The following DGKA variants were observed in gnomAD, a reference collection of about 807,000 sequenced individuals.
DGKA encodes diacylglycerol kinase alpha.
In DGKA, 35 loss-of-function variants were observed where a neutral mutation model predicts 105.0. The ratio of observed to expected loss-of-function variants is 0.33; its 90% confidence interval spans 0.25 to 0.44. The LOEUF is 0.44. DGKA is among the 20% of genes least tolerant of loss of function. DGKA has a pLI of 1.00. For synonymous variants in DGKA, 296 were observed against 332.0 expected (o/e 0.89, Z 1.18); for missense variants, 665 against 915.0 (o/e 0.73, Z 3.53).
At chr12:55,949,703 G>C (rs1887756410) in intron 17 of DGKA, among the ~76,000 whole-genome samples, 1 of 152,110 alleles carries the variant, frequency 6.6e-6, no homozygotes, top group East Asian at 1.9e-4. Context: ...TTTTAATTAT[G>C]GTTCTTGAAA....
chr12:55,950,087 G>A lies in DGKA; in HGVS notation c.1427-1536G>A, dbSNP rs138284015. 3.5e-3 allele frequency among the ~76,000 whole-genome samples: 531 copies of A among 151,648 alleles called. 3 individuals carry two copies. Among genetic ancestry groups the A allele is most frequent in the African/African-American group, 0.012 (507 of 41,318 alleles). On this transcript the variant is annotated intron_variant, in intron 17 of 23. Transcript: ENST00000331886. ...CCTCATGGGTTCAAGCGATTCTCCT[G>A]CCTCAGCCTCCCAAGTAGCTGGGAT...
At chr12:55,927,974 C>T, upstream of DGKA, 1 of 576,088 alleles carries the variant, frequency 1.7e-6, no homozygotes, top group Non-Finnish European at 3.0e-6. Flanking sequence ...TAATTAAACT[C>T]GTCCAACCGC....
At chr12:55,939,653 G>A (rs1414682530) in intron 9 of DGKA, 124 bp downstream of exon 9, 11 of 866,750 alleles carry the variant, frequency 1.3e-5, no homozygotes, top group Non-Finnish European at 2.0e-5. Context: ...CTAGTTATGT[G>A]ACCTTGGGAA....
At position 55,936,472 on chromosome 12, in the gene DGKA, C is replaced by T; in HGVS notation, c.-32C>T. 3 of 1,611,022 alleles carry T rather than the reference C, an allele frequency of 1.9e-6. No homozygotes were observed. The highest frequency in any genetic ancestry group is 2.5e-6 in the Non-Finnish European group (3 of 1,177,940). ...CAACGGAAGTACTACTACGAAGCTG[C>T]CTTTCTGGCCATCCTTGAGAAAAAT... is the stretch of plus-strand genomic sequence containing the variant. On this transcript the variant is annotated 5_prime_UTR_variant, in exon 2 of 24. Coordinates refer to ENST00000331886, the MANE Select transcript of DGKA (RefSeq NM_001345.5).
At chr12:55,943,629 A>G (rs778821416) in intron 17 of DGKA, among the ~76,000 whole-genome samples, 1 of 151,878 alleles carries the variant, frequency 6.6e-6, no homozygotes, top group Non-Finnish European at 1.5e-5. Flanking sequence ...CTGAACTATG[A>G]GCAAACTCTT....
At chr12:55,939,608 A>G in intron 9 of DGKA, 79 bp downstream of exon 9, 2 of 1,425,542 alleles carry the variant, frequency 1.4e-6, no homozygotes, top group Non-Finnish European at 9.8e-7. Context: ...AAACTTAGAA[A>G]AGACCTAGGT....
chr12:55,944,400 C>G (rs540362808), intron 17 of DGKA, among the ~76,000 whole-genome samples: 1 of 152,116 alleles, frequency 6.6e-6, no homozygotes, highest in Admixed American at 6.6e-5. Flanking sequence ...CTGAAAAGAT[C>G]GAGGCTGTAG....
chr12:55,941,701 G>A, intron 15 of DGKA, 117 bp downstream of exon 15: 7 of 1,095,710 alleles, frequency 6.4e-6, no homozygotes, highest in Non-Finnish European at 9.6e-6. Flanking sequence ...ATCCCCAAGA[G>A]GCCAGAATTC....
In DGKA at chr12:55,953,089, G is replaced by T. The variant is rs1888475974; in HGVS notation, c.1992G>T (p.Glu664Asp). Reference sequence around the variant, plus strand: ...TGGTTGGGCTGGAGGGTGCAATTGAGATGGGCCAAATCTATACCAAGCTCA... The same window carrying T: ...TGGTTGGGCTGGAGGGTGCAATTGATATGGGCCAAATCTATACCAAGCTCA... ...LEVVGLEGAIEMGQIYTKLKN... is the reference protein window; with the variant it reads ...LEVVGLEGAIDMGQIYTKLKN... Residue 664 changes from glutamate to aspartate, a missense_variant, in exon 22 of 24, where the codon GAG becomes GAT. By Grantham distance (45) the Glu-to-Asp change is conservative. Around this residue, in one of 3 missense-constraint regions of DGKA, gnomAD observed 158 missense variants for 213.4 expected, o/e 0.74. Coordinates refer to ENST00000331886, the MANE Select transcript of DGKA (RefSeq NM_001345.5). The T allele has an allele frequency of 6.2e-7, 1 of 1,614,160 alleles. No individual in the cohort carries two copies. The highest frequency in any genetic ancestry group is 8.5e-7 in the Non-Finnish European group (1 of 1,180,034).
intron 18 of DGKA, 94 bp downstream of exon 18, chr12:55,951,877 C>T (rs745786805): frequency 1.3e-4 from 201 of 1,534,930 alleles, no homozygotes; most frequent in Non-Finnish European, 1.7e-4. Flanking sequence ...GGTTAAGTGA[C>T]CTGTGACACA....
rs766603603 is a variant in DGKA, at chr12:55,941,295, A to G, written c.1145A>G (p.Asn382Ser). Residue 382 changes from asparagine to serine, a missense_variant, in exon 14 of 24, where the codon AAT (asparagine) becomes AGT (serine). Physicochemically the swap from Asn to Ser is conservative, Grantham distance 46. Transcript: ENST00000331886. ...ACCCACCCACTTCTCGTCTTTGTCA[A>G]TCCTAAGAGTGGCGGGAAGCAGGGG... ...PNTHPLLVFV[N>S]PKSGGKQGQR... 6 of 1,613,636 alleles carry G rather than the reference A, an allele frequency of 3.7e-6. No homozygotes were observed. Among genetic ancestry groups the G allele is most frequent in the East Asian group, 2.2e-5 (1 of 44,886 alleles).
In DGKA at chr12:55,932,709, GCACA is replaced by G. The variant is rs57799285; in HGVS notation, c.-82+1394_-82+1397del. ...ACACCCTCTACACACACACACACAC[GCACA>G]CACACACACACACACACACACACAC... On this transcript the variant is annotated intron_variant, in intron 1 of 23. Transcript: ENST00000331886. The surrounding 1 kb of genome is among the most constrained non-coding windows in gnomAD (Gnocchi z 4.3). The G allele has an allele frequency of 0.17, 78,435 of 471,306 alleles. 87 individuals carry two copies. Among genetic ancestry groups the G allele is most frequent in the East Asian group, 0.22 (6,355 of 28,246 alleles). The allele number at this position is 471,306 out of a possible 1,614,324, so 29.2% of individuals were successfully genotyped here. A position where few individuals can be genotyped will look rare whatever the true frequency, so the allele number is the denominator to read the frequency against.
chr12:55,937,363 T>C, intron 3 of DGKA, 45 bp from the exon 4 acceptor site: 1 of 1,602,022 alleles, frequency 6.2e-7, no homozygotes, highest in Non-Finnish European at 8.5e-7. Flanking sequence ...CAGCCCCAGC[T>C]CTGACCTTGC....
At chr12:55,946,723 A>G (rs1201038777) in intron 17 of DGKA, among the ~76,000 whole-genome samples, 1 of 152,230 alleles carries the variant, frequency 6.6e-6, no homozygotes, top group Non-Finnish European at 1.5e-5. Context: ...CCTACCACAA[A>G]GACTAAAAAG....
intron 17 of DGKA, among the ~76,000 whole-genome samples, chr12:55,946,609 G>A (rs994876086): frequency 2.0e-5 from 3 of 151,790 alleles, no homozygotes; most frequent in African/African-American, 4.8e-5. Flanking sequence ...CACCCGCCTC[G>A]GCCTCCTAAA....
At position 55,952,594 on chromosome 12, in the gene DGKA, C is replaced by A; in HGVS notation, c.1744-140C>A. On this transcript the variant is annotated intron_variant, in intron 20 of 23. Transcript: ENST00000331886. This position sits in a 1 kb window ranked among gnomAD's most constrained non-coding sequence, Gnocchi z 5.1. ...TCCAAGTCCTCAAGATACACTAGTC[C>A]CTATTTCCATTCCTTGCACACCTCC... The A allele has an allele frequency of 8.3e-7, 1 of 1,199,156 alleles. No individual in the cohort carries two copies. The highest frequency in any genetic ancestry group is 1.2e-6 in the Non-Finnish European group (1 of 822,106). The allele number at this position is 1,199,156 out of a possible 1,614,324, so 74.3% of individuals were successfully genotyped here. A position where few individuals can be genotyped will look rare whatever the true frequency, so the allele number is the denominator to read the frequency against.
rs755213694 is a variant in DGKA at position 55,952,752 on chromosome 12, G to A, written c.1762G>A (p.Asp588Asn). 1.9e-6 allele frequency: 3 copies of A among 1,614,054 alleles called. No homozygotes were observed. Among genetic ancestry groups the A allele is most frequent in the East Asian group, 2.2e-5 (1 of 44,882 alleles). Residue 588 changes from aspartate to asparagine, a missense_variant, in exon 21 of 24, where the codon GAT becomes AAT. By Grantham distance (23) the Asp-to-Asn change is conservative (BLOSUM62 1). This residue lies in a region of DGKA where 158 missense variants were observed against 213.4 expected (regional missense o/e 0.74). Transcript: ENST00000331886. The surrounding 1 kb of genome is among the most constrained non-coding windows in gnomAD (Gnocchi z 5.1). ...LTVEICGKPLDLSNLSLEGIA... is the reference protein window; with the variant it reads ...LTVEICGKPLNLSNLSLEGIA... ...CTCTCAGATCTGTGGGAAACCGCTG[G>A]ATCTGAGCAACCTGTCCCTAGAAGG... is the stretch of plus-strand genomic sequence containing the variant.
chr12:55,940,651 G>C lies in DGKA; in HGVS notation c.946G>C (p.Gly316Arg), dbSNP rs776782356. 6.3e-7 allele frequency: 1 copy of C among 1,593,426 alleles called. No individual in the cohort carries two copies. Among genetic ancestry groups the C allele is most frequent in the Non-Finnish European group, 8.5e-7 (1 of 1,171,874 alleles). ...EIHDDCLQAV[G>R]HECDCGLLRD... The stretch of plus-strand genomic sequence containing the variant: ...CCACGATGACTGCCTGCAAGCGGTG[G>C]GCCATGAGTGTGACTGTGGGCTGCT... Residue 316 changes from glycine to arginine, a missense_variant, in exon 12 of 24, where the codon GGC becomes CGC. Around this residue, in one of 3 missense-constraint regions of DGKA, gnomAD observed 504 missense variants for 681.2 expected, o/e 0.74. Transcript: ENST00000331886. This position sits in a 1 kb window ranked among gnomAD's most constrained non-coding sequence, Gnocchi z 4.3.
intron 17 of DGKA, chr12:55,942,588 C>T (rs1053031756): frequency 6.1e-6 from 2 of 326,746 alleles, no homozygotes; most frequent in Non-Finnish European, 1.2e-5. Context: ...TGTATAAGAG[C>T]TAAGCCAGAT....
Sources: allele counts gnomAD v4.1 joint callset (sites outside exome capture counted in the v4.1 genomes callset), GRCh38; gene constraint gnomAD v4.1.1; regional missense constraint gnomAD v4.1.1; non-coding constraint Gnocchi (gnomAD v3.1); transcripts MANE v1.5; gene names NCBI Gene and HGNC (gene_info 2026-07-23, HGNC 2026-07-21).